BFAR: variants seen among roughly 807,000 people sequenced by gnomAD.
BFAR encodes the protein bifunctional apoptosis regulator, also known as RING finger protein 47.
A neutral mutation model predicts 54.4 loss-of-function variants in BFAR; 52 were observed. The ratio of observed to expected loss-of-function variants is 0.96; its 90% CI spans 0.77 to 1.21. The LOEUF is 1.21. Among genes scored for constraint, BFAR ranks in the 50% most tolerant of loss-of-function variants. The pLI, the probability that BFAR is intolerant of heterozygous loss-of-function variation, is 0.00. For synonymous variants in BFAR, 215 were observed against 204.3 expected, an observed-to-expected ratio of 1.05 and a Z score of -0.45; for missense variants, 571 against 534.0, an observed-to-expected ratio of 1.07 and a Z score of -0.68.
intron 6 of BFAR, 91 bp from the exon 7 acceptor site, chr16:14,664,778 G>A (rs1168903093): frequency 8.0e-7 from 1 of 1,256,604 alleles, no homozygotes; most frequent in Non-Finnish European, 1.2e-6. Flanking sequence ...GGGATTACAG[G>A]TGTGAGCCAC....
chr16:14,644,668 CTTTTTTT>C, intron 2 of BFAR, 59 bp downstream of exon 2: 2 of 1,331,052 alleles, frequency 1.5e-6, no homozygotes, highest in Non-Finnish European at 2.0e-6. Context: ...TTCTCTCTTG[CTTTTTTT>C]TTTTTTTTTT....
chr16:14,667,548 C>G (rs1194917638), intron 7 of BFAR, 87 bp from the exon 8 acceptor site: 1 of 1,300,038 alleles, frequency 7.7e-7, no homozygotes, highest in Non-Finnish European at 1.1e-6. Context: ...ATGCTCTTCC[C>G]AGCACCCAGA....
At chr16:14,652,834 A>G (rs1220084922) in intron 4 of BFAR, among the ~76,000 whole-genome samples, 1 of 152,134 alleles carries the variant, frequency 6.6e-6, no homozygotes, top group African/African-American at 2.4e-5. Flanking sequence ...GTTACGTATA[A>G]CATCACACAG....
At chr16:14,662,105 T>C (rs752142138) in intron 6 of BFAR, 40 bp downstream of exon 6, 2 of 1,607,684 alleles carry the variant, frequency 1.2e-6, no homozygotes, top group South Asian at 2.2e-5. Context: ...TATTCCACTG[T>C]CAAGTTATTT....
intron 5 of BFAR, among the ~76,000 whole-genome samples, chr16:14,659,553 T>C (rs1960231820): frequency 6.8e-6 from 1 of 147,000 alleles, no homozygotes; most frequent in African/African-American, 2.5e-5. Flanking sequence ...CTCTATAGTA[T>C]ACTTCTTTTT....
At chr16:14,661,056 A>G (rs1481838334) in intron 5 of BFAR, among the ~76,000 whole-genome samples, 1 of 152,060 alleles carries the variant, frequency 6.6e-6, no homozygotes, top group Non-Finnish European at 1.5e-5. Flanking sequence ...TTACTTTTAT[A>G]ATAAGGAAGT....
chr16:14,664,442 T>A (rs533741988), intron 6 of BFAR, among the ~76,000 whole-genome samples: 8 of 151,906 alleles, frequency 5.3e-5, no homozygotes, highest in Non-Finnish European at 8.8e-5. Context: ...GATGGAAATT[T>A]CATTTTAGAT....
intron 3 of BFAR, among the ~76,000 whole-genome samples, chr16:14,649,260 G>A (rs1596977792): frequency 1.3e-5 from 2 of 151,788 alleles, no homozygotes. Flanking sequence ...GTGATTAGTA[G>A]AGATGGGGTT....
At chr16:14,657,938 G>C (rs910820494) in intron 5 of BFAR, among the ~76,000 whole-genome samples, 3 of 152,068 alleles carry the variant, frequency 2.0e-5, no homozygotes, top group Non-Finnish European at 2.9e-5. Flanking sequence ...GCCCAGGCTG[G>C]TCTCAAATTC....
intron 4 of BFAR, among the ~76,000 whole-genome samples, chr16:14,654,584 T>G (rs1960069724): frequency 6.9e-6 from 1 of 145,288 alleles, no homozygotes; most frequent in South Asian, 2.3e-4. Flanking sequence ...CTTAGCTCAC[T>G]GCAACCTCCG....
rs1027322635 is a variant in BFAR, at chr16:14,668,128, G to C, written c.*301G>C. The C allele has an allele frequency of 5.0e-6, 2 of 397,078 alleles. No homozygotes were observed. Among genetic ancestry groups the C allele is most frequent in the African/African-American group, 4.0e-5 (2 of 50,236 alleles). 24.6% of individuals were successfully genotyped at this position (397,078 alleles called of 1,614,324 possible). On this transcript the variant is annotated 3_prime_UTR_variant, in exon 8 of 8. Coordinates refer to ENST00000261658, the MANE Select transcript of BFAR (RefSeq NM_016561.3). ...GTCCCCAACGGCTGGCAAGACTCAG[G>C]GTCCTCAGTGGACATGGTGTGGGTG...
intron 1 of BFAR, among the ~76,000 whole-genome samples, chr16:14,635,323 A>C (rs1398450849): frequency 6.6e-6 from 1 of 152,196 alleles, no homozygotes; most frequent in East Asian, 1.9e-4. Context: ...CGACAGAGTG[A>C]GACTCAGTCT....
At chr16:14,637,444 A>C (rs1387242261) in intron 1 of BFAR, among the ~76,000 whole-genome samples, 1 of 151,876 alleles carries the variant, frequency 6.6e-6, no homozygotes, top group Admixed American at 6.6e-5. Flanking sequence ...GCCCTTTACT[A>C]GTTAGAACTC....
At chr16:14,648,677 T>G in intron 3 of BFAR, 85 bp downstream of exon 3, 1 of 975,692 alleles carries the variant, frequency 1.0e-6, no homozygotes, top group Non-Finnish European at 1.6e-6. Context: ...TCTGTTGAAA[T>G]CACTGAAATA....
At chr16:14,661,772 T>C in intron 5 of BFAR, 120 bp from the exon 6 acceptor site, 1 of 1,073,564 alleles carries the variant, frequency 9.3e-7, no homozygotes, top group Non-Finnish European at 1.4e-6. Flanking sequence ...GTTCATTCAT[T>C]CATGCATTGT....
chr16:14,661,167 G>A (rs1232896340), intron 5 of BFAR, among the ~76,000 whole-genome samples: 6 of 152,084 alleles, frequency 3.9e-5, no homozygotes, highest in African/African-American at 9.7e-5. Flanking sequence ...AGATTTCACT[G>A]GTTTCACTAT....
chr16:14,653,452 T>C (rs754908646), intron 4 of BFAR, among the ~76,000 whole-genome samples: 2 of 151,970 alleles, frequency 1.3e-5, no homozygotes, highest in South Asian at 2.1e-4. Context: ...TTCAGCCTCC[T>C]GAGTAGCTGG....
chr16:14,636,990 T>A (rs1216392029), intron 1 of BFAR, among the ~76,000 whole-genome samples: 1 of 152,172 alleles, frequency 6.6e-6, no homozygotes, highest in Non-Finnish European at 1.5e-5. Flanking sequence ...GGTTATAGAT[T>A]AACAGCATCT....
chr16:14,639,423 T>A (rs553065696), intron 1 of BFAR, among the ~76,000 whole-genome samples: 1 of 152,162 alleles, frequency 6.6e-6, no homozygotes, highest in East Asian at 1.9e-4. Context: ...TTATCCTGCC[T>A]CAACCTCCTG....
Sources: gnomAD v4.1 joint callset for allele counts (sites outside exome capture counted in the v4.1 genomes callset) on GRCh38, gnomAD v4.1.1 for gene constraint, MANE v1.5 for transcripts, NCBI Gene and HGNC (gene_info 2026-07-23, HGNC 2026-07-21) for gene names.